MAP3K5: variants seen among roughly 807,000 people sequenced by gnomAD.
The protein encoded by MAP3K5 is ASK-1.
Under a neutral mutation model 158.7 loss-of-function variants are expected in MAP3K5, and 56 were observed. The ratio of observed to expected loss-of-function variants is 0.35; its 90% confidence interval spans 0.28 to 0.44. MAP3K5 has a LOEUF of 0.44. MAP3K5 is among the 20% of genes least tolerant of loss of function. The pLI, the probability that MAP3K5 is intolerant of heterozygous loss-of-function variation, is 1.00. For synonymous variants in MAP3K5, 579 were observed against 601.7 expected (o/e 0.96, Z 0.55); for missense variants, 1,294 against 1,674.8 (o/e 0.77, Z 3.97).
chr6:136,594,939 G>A (rs775958397), intron 21 of MAP3K5, among the ~76,000 whole-genome samples: 2 of 152,050 alleles, frequency 1.3e-5, no homozygotes. Flanking sequence ...CTTGTGTCAC[G>A]CCTGTGAATT....
chr6:136,682,506 T>A (rs1302729587), intron 7 of MAP3K5, among the ~76,000 whole-genome samples: 1 of 152,220 alleles, frequency 6.6e-6, no homozygotes, highest in Non-Finnish European at 1.5e-5. Context: ...AAATCTTTAT[T>A]AGGCACACAT....
intron 8 of MAP3K5, among the ~76,000 whole-genome samples, chr6:136,664,447 A>C (rs1779142704): frequency 6.6e-6 from 1 of 151,718 alleles, no homozygotes; most frequent in African/African-American, 2.4e-5. Flanking sequence ...ACCACCCCCC[A>C]CCCCTGGTCC....
chr6:136,750,523 G>C (rs1050800285), intron 1 of MAP3K5, among the ~76,000 whole-genome samples: 11 of 152,190 alleles, frequency 7.2e-5, no homozygotes, highest in African/African-American at 2.4e-4. Context: ...CAACGATGAA[G>C]GGGTGAATTG....
At chr6:136,583,769 TC>T (rs1474064205) in intron 23 of MAP3K5, 29 bp from the exon 24 acceptor site, 1 of 1,599,714 alleles carries the variant, frequency 6.3e-7, no homozygotes, top group East Asian at 2.2e-5. Context: ...AATCCTTACA[TC>T]AACATATGCT....
Position 136,720,558 on chromosome 6 carries a change from G to A in MAP3K5, c.480C>T (p.Phe160=). The A allele has an allele frequency of 6.2e-7, 1 of 1,612,726 alleles. No homozygotes were observed. Among genetic ancestry groups the A allele is most frequent in the South Asian group, 1.1e-5 (1 of 90,846 alleles). Residue 160 remains phenylalanine, a synonymous_variant, in exon 2 of 30, where the codon TTC becomes TTT. Coordinates refer to ENST00000359015, the MANE Select transcript of MAP3K5 (RefSeq NM_005923.4). ...DIAVVEMSDA[F]RQPSLFYHLG... ...GGTGGTAAAACAAGGACGGCTGCCG[G>A]AAGGCATCGCTCATCTCCACCACCG...
intron 12 of MAP3K5, among the ~76,000 whole-genome samples, chr6:136,640,238 G>A (rs1466991690): frequency 6.6e-6 from 1 of 152,218 alleles, no homozygotes; most frequent in South Asian, 2.1e-4. Context: ...TAACAGGCCA[G>A]ATAGTAAAAT....
intron 2 of MAP3K5, among the ~76,000 whole-genome samples, chr6:136,705,432 C>A (rs1295971610): frequency 6.6e-6 from 1 of 152,090 alleles, no homozygotes; most frequent in East Asian, 1.9e-4. Context: ...GTAGCTAGGA[C>A]TACAGGCCTA....
intron 14 of MAP3K5, among the ~76,000 whole-genome samples, chr6:136,628,833 C>T (rs958134892): frequency 7.3e-5 from 11 of 151,342 alleles, no homozygotes; most frequent in Non-Finnish European, 1.3e-4. Flanking sequence ...TCTATTCTTA[C>T]GAGATAAAGA....
chr6:136,610,278 G>C (rs1434225532), intron 18 of MAP3K5, among the ~76,000 whole-genome samples: 1 of 152,084 alleles, frequency 6.6e-6, no homozygotes, highest in African/African-American at 2.4e-5. Context: ...GGGCAGTCAT[G>C]AATCTCTTGA....
chr6:136,612,838 C>G (rs1776402851), intron 17 of MAP3K5, among the ~76,000 whole-genome samples: 1 of 152,192 alleles, frequency 6.6e-6, no homozygotes, highest in Non-Finnish European at 1.5e-5. Context: ...TAACTTTTGA[C>G]AGCTGCATCC....
chr6:136,738,054 C>A (rs2114861524), intron 1 of MAP3K5, among the ~76,000 whole-genome samples: 1 of 152,280 alleles, frequency 6.6e-6, no homozygotes, highest in South Asian at 2.1e-4. Context: ...TGTACACCAC[C>A]ACCCACCGAA....
intron 10 of MAP3K5, among the ~76,000 whole-genome samples, chr6:136,653,944 T>C (rs1167520426): frequency 6.6e-6 from 1 of 152,098 alleles, no homozygotes; most frequent in African/African-American, 2.4e-5. Flanking sequence ...GTAGGAGTAG[T>C]ATTTAGAGAT....
chr6:136,791,706 G>T lies in MAP3K5; in HGVS notation c.448+4C>A. ...GCGGGATGGGAAAGGGGTCACACAC[G>T]CACCTGCATTGTAAAAGCGGTCCAG... On this transcript the variant is annotated splice_donor_region_variant and intron_variant, in intron 1 of 29. Coordinates refer to ENST00000359015, the MANE Select transcript of MAP3K5 (RefSeq NM_005923.4). The T allele has an allele frequency of 6.2e-7, 1 of 1,612,998 alleles. No individual in the cohort carries two copies. Among genetic ancestry groups the T allele is most frequent in the Non-Finnish European group, 8.5e-7 (1 of 1,179,918 alleles).
chr6:136,767,108 C>T (rs1783999067), intron 1 of MAP3K5, among the ~76,000 whole-genome samples: 1 of 152,148 alleles, frequency 6.6e-6, no homozygotes, highest in African/African-American at 2.4e-5. Flanking sequence ...ACAAGTTTAT[C>T]TCTATAATAA....
chr6:136,754,673 G>A (rs1425000295), intron 1 of MAP3K5, among the ~76,000 whole-genome samples: 4 of 152,192 alleles, frequency 2.6e-5, no homozygotes, highest in Non-Finnish European at 5.9e-5. Context: ...AGAAAAGGGA[G>A]ATTGATCAAA....
intron 24 of MAP3K5, 61 bp from the exon 25 acceptor site, chr6:136,580,467 G>A (rs1047083663): frequency 1.8e-5 from 18 of 997,406 alleles, no homozygotes; most frequent in Admixed American, 5.4e-5. Context: ...CTAGATGATC[G>A]AAGCACTTGT....
chr6:136,596,895 G>A (rs1332838554), intron 21 of MAP3K5, among the ~76,000 whole-genome samples: 3 of 152,152 alleles, frequency 2.0e-5, no homozygotes, highest in South Asian at 2.1e-4. Flanking sequence ...AGGGGAGCAC[G>A]GTGACAGTTT....
intron 23 of MAP3K5, among the ~76,000 whole-genome samples, chr6:136,585,119 G>T (rs75882595): frequency 0.068 from 8,062 of 117,860 alleles, 601 homozygotes; most frequent in African/African-American, 0.21. Context: ...TTTTTTTTTT[G>T]TTTTTTTTTA....
At chr6:136,724,104 T>C (rs966735766) in intron 1 of MAP3K5, among the ~76,000 whole-genome samples, 1 of 151,644 alleles carries the variant, frequency 6.6e-6, no homozygotes, top group Non-Finnish European at 1.5e-5. Context: ...TGATGAAAAA[T>C]AAGAGACATG....
Sources: gnomAD v4.1 joint callset for allele counts (sites outside exome capture counted in the v4.1 genomes callset) on GRCh38, gnomAD v4.1.1 for gene constraint, MANE v1.5 for transcripts, NCBI Gene and HGNC (gene_info 2026-07-23, HGNC 2026-07-21) for gene names.